The following XRRA1 variants were observed in gnomAD, a reference collection of about 807,000 sequenced individuals.
The protein encoded by XRRA1 is X-ray radiation resistance associated 1.
A neutral mutation model predicts 80.2 loss-of-function variants in XRRA1; 69 were observed. The observed-to-expected ratio is 0.86, with a 90% CI of 0.71 to 1.05. XRRA1 has a LOEUF of 1.05. XRRA1 is among the 50% of genes least tolerant of loss of function. The pLI, the probability that XRRA1 is intolerant of heterozygous loss-of-function variation, is 0.00. For synonymous variants in XRRA1, 348 were observed against 389.9 expected (o/e 0.89, Z 1.27); for missense variants, 967 against 976.4 (o/e 0.99, Z 0.13).
chr11:74,855,282 G>T (rs2040820209), intron 12 of XRRA1, among the ~76,000 whole-genome samples: 1 of 151,594 alleles, frequency 6.6e-6, no homozygotes, highest in South Asian at 2.1e-4. Flanking sequence ...CAAATCAAGG[G>T]GTCAAGAGAC....
At chr11:74,894,313 ATTC>A (rs2051640611) in intron 10 of XRRA1, among the ~76,000 whole-genome samples, 1 of 152,190 alleles carries the variant, frequency 6.6e-6, no homozygotes. Flanking sequence ...GTCCAGTACT[ATTC>A]TTATTACCTG....
At chr11:74,871,520 A>C (rs929124614) in intron 10 of XRRA1, among the ~76,000 whole-genome samples, 1 of 152,214 alleles carries the variant, frequency 6.6e-6, no homozygotes, top group African/African-American at 2.4e-5. Context: ...TGGACAATCA[A>C]CCAAGCTCTT....
At position 74,927,487 on chromosome 11, in the gene XRRA1, C is replaced by T; in HGVS notation, c.426G>A (p.Glu142=). ...INASENLLPL[E]AFHTFPALKE... is the part of the protein sequence containing the mutation. Reference sequence around the variant, plus strand: ...TTAGGGCTGGAAACGTGTGAAATGCCTCTACATGGGGAAGAGAAAGAGAGA... The same window carrying T: ...TTAGGGCTGGAAACGTGTGAAATGCTTCTACATGGGGAAGAGAAAGAGAGA... Residue 142 remains glutamate (E), a splice_region_variant and synonymous_variant, in exon 7 of 19, where the codon GAG becomes GAA. Transcript: ENST00000684022. 1 of 1,603,348 alleles carries T rather than the reference C, an allele frequency of 6.2e-7. No individual in the cohort carries two copies. The highest frequency in any genetic ancestry group is 1.1e-5 in the South Asian group (1 of 90,792).
intron 10 of XRRA1, chr11:74,876,915 A>C (rs922470886): frequency 3.9e-5 from 6 of 152,160 alleles, no homozygotes; most frequent in African/African-American, 1.4e-4. Context: ...TACTTGTGGG[A>C]AGATTTTGAT....
At chr11:74,922,624 A>G (rs953012939) in intron 7 of XRRA1, among the ~76,000 whole-genome samples, 2 of 152,202 alleles carry the variant, frequency 1.3e-5, no homozygotes, top group African/African-American at 4.8e-5. Flanking sequence ...CAATTGGTAC[A>G]GGAGCAAGTC....
intron 8 of XRRA1, among the ~76,000 whole-genome samples, 198 bp from the exon 9 acceptor site, chr11:74,907,471 T>C (rs2054884059): frequency 6.6e-6 from 1 of 152,188 alleles, no homozygotes; most frequent in African/African-American, 2.4e-5. Context: ...AACACTATTA[T>C]ACATACCATA....
intron 8 of XRRA1, among the ~76,000 whole-genome samples, chr11:74,917,722 G>A (rs1939184336): frequency 6.6e-6 from 1 of 152,076 alleles, no homozygotes; most frequent in South Asian, 2.1e-4. Context: ...ATATCTAATA[G>A]TCCACTTGCA....
At chr11:74,932,705 CTATATAT>C (rs1943929962) in intron 5 of XRRA1, among the ~76,000 whole-genome samples, 1 of 152,210 alleles carries the variant, frequency 6.6e-6, no homozygotes, top group Non-Finnish European at 1.5e-5. Flanking sequence ...TATATGTGAA[CTATATAT>C]TATAATCTCT....
chr11:74,928,921 A>G (rs1358863314), intron 6 of XRRA1, among the ~76,000 whole-genome samples: 2 of 152,138 alleles, frequency 1.3e-5, no homozygotes, highest in African/African-American at 4.8e-5. Context: ...CTCCCTACCA[A>G]TGCTGGCTGT....
chr11:74,845,412 CA>C, intron 15 of XRRA1, 141 bp from the exon 16 acceptor site: 1 of 828,750 alleles, frequency 1.2e-6, no homozygotes, highest in East Asian at 2.7e-5. Context: ...TGGAAGAAAG[CA>C]GATATAAAAA....
At chr11:74,909,764 T>C (rs2055444798) in intron 8 of XRRA1, 1 of 152,206 alleles carries the variant, frequency 6.6e-6, no homozygotes. Context: ...AGTGGTGCTA[T>C]TTTTATTATC....
intron 10 of XRRA1, among the ~76,000 whole-genome samples, chr11:74,889,352 G>A (rs2050003028): frequency 6.6e-6 from 1 of 151,616 alleles, no homozygotes; most frequent in South Asian, 2.1e-4. Flanking sequence ...ACAAGCAAAT[G>A]CTGAGAGATT....
At chr11:74,910,163 G>A (rs2055539767) in intron 8 of XRRA1, among the ~76,000 whole-genome samples, 1 of 152,194 alleles carries the variant, frequency 6.6e-6, no homozygotes, top group Non-Finnish European at 1.5e-5. Flanking sequence ...ATCAGCTTCT[G>A]TGTTAAGATA....
At chr11:74,902,183 A>G (rs2053679646) in intron 10 of XRRA1, among the ~76,000 whole-genome samples, 1 of 152,258 alleles carries the variant, frequency 6.6e-6, no homozygotes, top group South Asian at 2.1e-4. Context: ...ATCACTGACC[A>G]TCAGAGAAAT....
At chr11:74,882,039 A>G (rs1202782024) in intron 10 of XRRA1, among the ~76,000 whole-genome samples, 1 of 145,506 alleles carries the variant, frequency 6.9e-6, no homozygotes, top group African/African-American at 2.5e-5. Flanking sequence ...TATTTCCTGA[A>G]TCTGAACGTT....
intron 12 of XRRA1, 79 bp downstream of exon 12, chr11:74,859,074 AGGGTT>A (rs2041769465): frequency 3.5e-6 from 5 of 1,448,718 alleles, no homozygotes; most frequent in Non-Finnish European, 4.5e-6. Flanking sequence ...AATTGAATGG[AGGGTT>A]GGTTTTTAGG....
At chr11:74,865,311 C>T (rs940461244) in intron 10 of XRRA1, among the ~76,000 whole-genome samples, 12 of 152,304 alleles carry the variant, frequency 7.9e-5, no homozygotes, top group East Asian at 5.8e-4. Context: ...GATTTGGCCC[C>T]GCCTGCTATA....
At chr11:74,943,612 A>G (rs1946885144) in intron 2 of XRRA1, among the ~76,000 whole-genome samples, 1 of 151,010 alleles carries the variant, frequency 6.6e-6, no homozygotes, top group African/African-American at 2.4e-5. Flanking sequence ...TAGAGGCAGC[A>G]ACTAGTCAGC....
At position 74,848,298 on chromosome 11, in the gene XRRA1, A is replaced by G. The variant is rs2038835223; in HGVS notation, c.1545T>C (p.Thr515=). The G allele has an allele frequency of 1.2e-6, 2 of 1,613,890 alleles. No homozygotes were observed. Among genetic ancestry groups the G allele is most frequent in the Non-Finnish European group, 1.7e-6 (2 of 1,179,840 alleles). Residue 515 remains threonine, a synonymous_variant, in exon 15 of 19, where the codon ACT becomes ACC. Coordinates refer to ENST00000684022, the MANE Select transcript of XRRA1 (RefSeq NM_001378157.1). Reference sequence around the variant, plus strand: ...ACGGGGAATGGCCTTCCAGGTTCTCAGTGGGCATCTCTGACTCCACAGAAG... The same window carrying G: ...ACGGGGAATGGCCTTCCAGGTTCTCGGTGGGCATCTCTGACTCCACAGAAG... ...KSTSVESEMP[T]ENLEGHSPSC...
Sources: allele counts gnomAD v4.1 joint callset (sites outside exome capture counted in the v4.1 genomes callset), GRCh38; gene constraint gnomAD v4.1.1; transcripts MANE v1.5; gene names NCBI Gene and HGNC (gene_info 2026-07-23, HGNC 2026-07-21).